Variants in LAMB3 observed in about 807,000 individuals in gnomAD.
LAMB3 encodes the protein laminin subunit beta 3.
LAMB3 carries 104 observed loss-of-function variants against 140.3 expected under a neutral mutation model. The ratio of observed to expected loss-of-function variants is 0.74; its 90% confidence interval spans 0.63 to 0.87. The LOEUF is 0.87. Among genes scored for constraint, LAMB3 ranks in the 40% least tolerant of loss-of-function variants. The pLI is 0.00. For missense variants in LAMB3, 1,531 were observed against 1,575.2 expected, an observed-to-expected ratio of 0.97 and a Z score of 0.47; for synonymous variants, 592 against 602.9, an observed-to-expected ratio of 0.98 and a Z score of 0.26.
In LAMB3 at chr1:209,622,602, A is replaced by G; in HGVS notation, c.2635T>C (p.Ser879Pro). ...RLETQVSASR[S>P]QMEEDVRRTR... ...CGTCTGACATCTTCCTCCATCTGGG[A>G]GCGGCTGGCGCTCACCTGGGTCTCC... The change falls in exon 18 of 23, where the codon TCC (serine) becomes CCC (proline). Residue 879 changes from serine to proline, a missense_variant. Coordinates refer to ENST00000356082, the MANE Select transcript of LAMB3 (RefSeq NM_000228.3). The G allele has an allele frequency of 6.2e-7, 1 of 1,614,044 alleles. No homozygotes were observed. The highest frequency in any genetic ancestry group is 8.5e-7 in the Non-Finnish European group (1 of 1,180,016).
In LAMB3 at chr1:209,623,020, G is replaced by A. The variant is rs747126025; in HGVS notation, c.2518C>T (p.Arg840Trp). Residue 840 changes from arginine to tryptophan, a missense_variant, in exon 17 of 23, where the codon CGG becomes TGG. Transcript: ENST00000356082. The surrounding 1 kb of genome is among the most constrained non-coding windows in gnomAD (Gnocchi z 4.2). Reference sequence around the variant, plus strand: ...CGCTGGAGCTGGGCATTGAAGCCCCGCAGCTGCTCAGCCACCTGCCCCGCC... The same window carrying A: ...CGCTGGAGCTGGGCATTGAAGCCCCACAGCTGCTCAGCCACCTGCCCCGCC... The part of the protein sequence containing the change: ...LMAGQVAEQL[R>W]GFNAQLQRTR... The A allele has an allele frequency of 7.6e-5, 123 of 1,613,648 alleles. 1 individual carries two copies. Among genetic ancestry groups the A allele is most frequent in the Middle Eastern group, 1.7e-4 (1 of 5,838 alleles).
At chr1:209,628,806 T>A (rs935459760) in intron 10 of LAMB3, among the ~76,000 whole-genome samples, 3 of 152,240 alleles carry the variant, frequency 2.0e-5, no homozygotes, top group Non-Finnish European at 2.9e-5. Context: ...CATTACTTAC[T>A]GAGCAACTAC....
intron 5 of LAMB3, 148 bp downstream of exon 5, chr1:209,637,760 A>G: frequency 1.4e-6 from 1 of 708,702 alleles, no homozygotes; most frequent in East Asian, 2.7e-5. Flanking sequence ...TTAGCCCAGG[A>G]GCGAGTCCTC....
In LAMB3 at chr1:209,634,109, G is replaced by A. The variant is rs559887560; in HGVS notation, c.564+338C>T. Among the ~76,000 whole-genome samples the A allele has an allele frequency of 5.3e-4, 80 of 152,292 alleles. No homozygotes were observed. The Middle Eastern group carries it at 0.017, about 32-fold the overall frequency. On this transcript the variant is annotated intron_variant, in intron 6 of 22. Coordinates refer to ENST00000356082, the MANE Select transcript of LAMB3 (RefSeq NM_000228.3). ...TAATTTGCTCACTTGCATCTAACTA[G>A]CATCCCAAAGTCCTCATATCAAAGT...
At chr1:209,619,756 C>T (rs1332466599) in intron 18 of LAMB3, among the ~76,000 whole-genome samples, 1 of 152,204 alleles carries the variant, frequency 6.6e-6, no homozygotes, top group African/African-American at 2.4e-5. Context: ...TCTGGGGCCC[C>T]AGGCCCAGTT....
At chr1:209,648,819 G>A (rs193089744) in intron 3 of LAMB3, among the ~76,000 whole-genome samples, 28 of 152,130 alleles carry the variant, frequency 1.8e-4, no homozygotes, top group Non-Finnish European at 3.4e-4. Flanking sequence ...GTTATGGGTG[G>A]AGGGAACAGC....
chr1:209,630,868 C>T, intron 8 of LAMB3, 133 bp from the exon 9 acceptor site: 1 of 990,450 alleles, frequency 1.0e-6, no homozygotes, highest in South Asian at 1.4e-5. Flanking sequence ...CAGGAAGCTT[C>T]CTCTGAATGC....
chr1:209,636,004 C>A (rs1407636296), intron 5 of LAMB3, among the ~76,000 whole-genome samples: 1 of 152,182 alleles, frequency 6.6e-6, no homozygotes, highest in Non-Finnish European at 1.5e-5. Context: ...ATCTTTTGTT[C>A]TCAGCTGAAA....
intron 5 of LAMB3, among the ~76,000 whole-genome samples, 189 bp downstream of exon 5, chr1:209,637,718 CG>C (rs953361705): frequency 3.9e-5 from 6 of 152,156 alleles, no homozygotes; most frequent in African/African-American, 1.4e-4. Flanking sequence ...AACCACTGCA[CG>C]GCCAAGACAG....
At chr1:209,633,246 G>T in intron 6 of LAMB3, 113 bp from the exon 7 acceptor site, 1 of 791,570 alleles carries the variant, frequency 1.3e-6, no homozygotes, top group Non-Finnish European at 2.2e-6. Context: ...CTTGTTACCT[G>T]GAACCTGAGA....
At chr1:209,616,694 C>A in intron 21 of LAMB3, 70 bp from the exon 22 acceptor site, 1 of 1,455,118 alleles carries the variant, frequency 6.9e-7, no homozygotes, top group Non-Finnish European at 9.6e-7. Flanking sequence ...GGCCAAAGCA[C>A]TTGATATCAC....
chr1:209,616,311 C>A (rs1279719138), intron 22 of LAMB3, among the ~76,000 whole-genome samples, 160 bp downstream of exon 22: 1 of 152,188 alleles, frequency 6.6e-6, no homozygotes, highest in Non-Finnish European at 1.5e-5. Context: ...TCTCTGCATT[C>A]CCCAGCCTCA....
intron 5 of LAMB3, among the ~76,000 whole-genome samples, chr1:209,634,982 T>C (rs1666847371): frequency 6.6e-6 from 1 of 150,934 alleles, no homozygotes; most frequent in Non-Finnish European, 1.5e-5. Flanking sequence ...CTCCTGGAAC[T>C]CATGTCCAGC....
intron 3 of LAMB3, among the ~76,000 whole-genome samples, chr1:209,648,242 A>G (rs1376389549): frequency 1.3e-5 from 2 of 152,152 alleles, no homozygotes; most frequent in African/African-American, 4.8e-5. Flanking sequence ...AGGGAAAAGG[A>G]GGGACCCTAA....
chr1:209,640,300 A>G (rs2076456604), intron 3 of LAMB3, among the ~76,000 whole-genome samples: 1 of 152,238 alleles, frequency 6.6e-6, no homozygotes, highest in South Asian at 2.1e-4. Context: ...CTGTAATCCC[A>G]GCACTTTAGG....
chr1:209,617,697 C>T, intron 20 of LAMB3, 111 bp from the exon 21 acceptor site: 1 of 1,363,654 alleles, frequency 7.3e-7, no homozygotes. Context: ...CCAACCAGAA[C>T]AAACACAATT....
At chr1:209,639,648 C>T (rs906129531) in intron 3 of LAMB3, among the ~76,000 whole-genome samples, 2 of 152,036 alleles carry the variant, frequency 1.3e-5, no homozygotes, top group African/African-American at 2.4e-5. Flanking sequence ...CACACGCACA[C>T]GCGTGCACAT....
intron 4 of LAMB3, 37 bp downstream of exon 4, chr1:209,638,497 T>C (rs376859868): frequency 1.4e-5 from 19 of 1,320,952 alleles, no homozygotes; most frequent in Middle Eastern, 1.8e-4. Context: ...CTGTGGAGGC[T>C]GTACAGTTTG....
At chr1:209,638,078 A>ACT in intron 4 of LAMB3, 97 bp from the exon 5 acceptor site, 1 of 994,096 alleles carries the variant, frequency 1.0e-6, no homozygotes, top group Non-Finnish European at 1.5e-6. Context: ...GAACTCAGAA[A>ACT]CTCTCTAACC....
Sources: allele counts gnomAD v4.1 joint callset (sites outside exome capture counted in the v4.1 genomes callset), GRCh38; gene constraint gnomAD v4.1.1; non-coding constraint Gnocchi (gnomAD v3.1); transcripts MANE v1.5; gene names NCBI Gene and HGNC (gene_info 2026-07-23, HGNC 2026-07-21).